Variants in SGCD observed in about 807,000 individuals in gnomAD.
The protein encoded by SGCD is sarcoglycan delta, also known as delta-sarcoglycan.
A neutral mutation model predicts 36.6 loss-of-function variants in SGCD; 18 were observed. The observed-to-expected ratio is 0.49, with a 90% CI of 0.34 to 0.73. SGCD has a LOEUF of 0.73. Among genes scored for constraint, SGCD ranks in the 30% least tolerant of loss-of-function variants. SGCD has a pLI of 0.01. For missense variants in SGCD, 387 were observed against 346.7 expected, an observed-to-expected ratio of 1.12 and a Z score of -0.92; for synonymous variants, 133 against 130.6, an observed-to-expected ratio of 1.02 and a Z score of -0.12.
chr5:156,012,643 C>G (rs10476236), intron 1 of SGCD, among the ~76,000 whole-genome samples: 1 of 148,320 alleles, frequency 6.7e-6, no homozygotes, highest in African/African-American at 2.5e-5. Context: ...GAGGGAGTCT[C>G]GCTCTGTGGC....
intron 7 of SGCD, among the ~76,000 whole-genome samples, chr5:156,749,803 G>A (rs1757084368): frequency 6.6e-6 from 1 of 152,006 alleles, no homozygotes; most frequent in Non-Finnish European, 1.5e-5. Context: ...TATTTTTCAT[G>A]CCCAGAGGGT....
the SGCD span, among the ~76,000 whole-genome samples, chr5:155,793,841 G>C: frequency 1.3e-5 from 2 of 151,108 alleles, no homozygotes; most frequent in Non-Finnish European, 2.9e-5. Flanking sequence ...GAGCCACCGC[G>C]CTCATCCAAA....
rs889414479 is a variant in SGCD at position 156,058,470 on chromosome 5, G to A, written c.-281-59408G>A. On this transcript the variant is annotated intron_variant, in intron 1 of 9. Transcript: ENST00000517913. Reference sequence around the variant, plus strand: ...CAGATTCTGCTTTAGTGGGTCTGGGGATGGGGGAGGCTGAGACTCAGCATT... The same window carrying A: ...CAGATTCTGCTTTAGTGGGTCTGGGAATGGGGGAGGCTGAGACTCAGCATT... Among the ~76,000 whole-genome samples the A allele has an allele frequency of 1.8e-4, 26 of 146,108 alleles. 1 individual carries two copies. The highest frequency in any genetic ancestry group is 5.4e-4 in the African/African-American group (22 of 40,730).
At chr5:155,872,515 A>G (rs1755676580) in intron 1 of SGCD, among the ~76,000 whole-genome samples, 1 of 152,206 alleles carries the variant, frequency 6.6e-6, no homozygotes, top group African/African-American at 2.4e-5. Context: ...GCCAACAGCC[A>G]AGTGACTTTG....
chr5:156,409,917 C>A (rs1004480539), intron 3 of SGCD, among the ~76,000 whole-genome samples: 1 of 152,070 alleles, frequency 6.6e-6, no homozygotes, highest in Non-Finnish European at 1.5e-5. Context: ...CCATCCAATA[C>A]CACAGAAACC....
chr5:156,293,133 A>G (rs1326511942), intron 3 of SGCD, among the ~76,000 whole-genome samples: 2 of 151,942 alleles, frequency 1.3e-5, no homozygotes, highest in African/African-American at 2.4e-5. Context: ...TTCAGAAGGC[A>G]TGATGATCAT....
chr5:155,793,920 A>C, the SGCD span, among the ~76,000 whole-genome samples: 2 of 148,100 alleles, frequency 1.4e-5, no homozygotes, highest in Admixed American at 6.9e-5. Context: ...TATTTGCTGA[A>C]TTCTGAAGTT....
intron 1 of SGCD, among the ~76,000 whole-genome samples, chr5:156,013,969 G>T (rs191313044): frequency 1.3e-5 from 2 of 150,290 alleles, no homozygotes; most frequent in African/African-American, 4.9e-5. Flanking sequence ...GATATGTTTT[G>T]GTTATTTACG....
chr5:156,475,296 C>T (rs1008653287), intron 3 of SGCD, among the ~76,000 whole-genome samples: 1 of 152,170 alleles, frequency 6.6e-6, no homozygotes, highest in Non-Finnish European at 1.5e-5. Context: ...ACTAATCTTT[C>T]TTACCTGAGC....
At chr5:156,700,537 T>C (rs952700834) in intron 7 of SGCD, among the ~76,000 whole-genome samples, 5 of 152,138 alleles carry the variant, frequency 3.3e-5, no homozygotes, top group Admixed American at 6.6e-5. Flanking sequence ...TCTCATTCCT[T>C]TGCACCTATT....
At chr5:155,735,050 A>G in the SGCD span, among the ~76,000 whole-genome samples, 1 of 152,242 alleles carries the variant, frequency 6.6e-6, no homozygotes, top group Non-Finnish European at 1.5e-5. Context: ...TGCCTGACAT[A>G]TAGAAACCTC....
At chr5:156,244,695 G>A (rs1765397635) in intron 3 of SGCD, among the ~76,000 whole-genome samples, 1 of 152,206 alleles carries the variant, frequency 6.6e-6, no homozygotes, top group Non-Finnish European at 1.5e-5. Flanking sequence ...CACTTGGGAA[G>A]ATTTTAATAG....
chr5:155,816,837 G>T, the SGCD span, among the ~76,000 whole-genome samples: 1 of 152,142 alleles, frequency 6.6e-6, no homozygotes, highest in Non-Finnish European at 1.5e-5. Flanking sequence ...CTAAATGGCT[G>T]CTAAAAAGTA....
chr5:155,939,014 T>C (rs1472405385), intron 1 of SGCD, among the ~76,000 whole-genome samples: 8 of 152,190 alleles, frequency 5.3e-5, no homozygotes, highest in Non-Finnish European at 8.8e-5. Flanking sequence ...TGCTGTAGCA[T>C]ATAAGAGACA....
chr5:156,134,327 G>A (rs779209651), intron 3 of SGCD, among the ~76,000 whole-genome samples: 14 of 152,006 alleles, frequency 9.2e-5, no homozygotes, highest in Non-Finnish European at 1.6e-4. Context: ...AAACTATCCC[G>A]CTCCCCTGCT....
At chr5:156,680,690 A>G (rs1266048336) in intron 7 of SGCD, among the ~76,000 whole-genome samples, 1 of 152,180 alleles carries the variant, frequency 6.6e-6, no homozygotes, top group African/African-American at 2.4e-5. Context: ...TAATAGGCCT[A>G]TGTGAAAGGG....
At chr5:156,483,086 G>A (rs115180142) in intron 3 of SGCD, among the ~76,000 whole-genome samples, 1,789 of 152,210 alleles carry the variant, frequency 0.012, 17 homozygotes, top group Non-Finnish European at 0.019. Context: ...TTTGAGCAAA[G>A]ACCTGAGTTA....
At chr5:156,558,148 G>A (rs1436453468) in intron 4 of SGCD, among the ~76,000 whole-genome samples, 1 of 130,612 alleles carries the variant, frequency 7.7e-6, no homozygotes, top group Non-Finnish European at 1.6e-5. Flanking sequence ...TTTAAAGGCA[G>A]TTTGAGATAT....
At chr5:156,152,589 C>T (rs1762857553) in intron 3 of SGCD, among the ~76,000 whole-genome samples, 1 of 151,582 alleles carries the variant, frequency 6.6e-6, no homozygotes, top group Non-Finnish European at 1.5e-5. Flanking sequence ...AGATATAAAT[C>T]ATATGTTGCA....
Sources: allele counts gnomAD v4.1 joint callset (sites outside exome capture counted in the v4.1 genomes callset), GRCh38; gene constraint gnomAD v4.1.1; transcripts MANE v1.5; gene names NCBI Gene and HGNC (gene_info 2026-07-23, HGNC 2026-07-21).